STK39: variants seen among roughly 807,000 people sequenced by gnomAD.
STK39 encodes the protein serine/threonine kinase 39.
Under a neutral mutation model 77.8 loss-of-function variants are expected in STK39, and 20 were observed. The observed-to-expected ratio is 0.26, with a 90% CI of 0.18 to 0.37. The LOEUF (loss-of-function observed/expected upper bound fraction) is 0.37, where lower values mean the gene tolerates loss of function less well. Among genes scored for constraint, STK39 ranks in the 10% least tolerant of loss-of-function variants. STK39 has a pLI of 1.00. For synonymous variants in STK39, 246 were observed against 234.1 expected, an observed-to-expected ratio of 1.05 and a Z score of -0.47; for missense variants, 479 against 656.5, an observed-to-expected ratio of 0.73 and a Z score of 2.95.
intron 16 of STK39, among the ~76,000 whole-genome samples, chr2:167,996,292 A>G (rs1042956692): frequency 1.3e-5 from 2 of 152,202 alleles, no homozygotes; most frequent in African/African-American, 4.8e-5. Flanking sequence ...CTAACTTAGC[A>G]ACAGTTTTTA....
intron 1 of STK39, among the ~76,000 whole-genome samples, chr2:168,233,804 T>C (rs1390423865): frequency 1.3e-5 from 2 of 152,178 alleles, no homozygotes; most frequent in African/African-American, 2.4e-5. Flanking sequence ...GACTACGATA[T>C]CCAACCAAAA....
intron 15 of STK39, 49 bp from the exon 16 acceptor site, chr2:168,012,751 C>T (rs2105313485): frequency 1.3e-6 from 2 of 1,507,448 alleles, no homozygotes; most frequent in East Asian, 4.6e-5. Flanking sequence ...ACATAAAAAT[C>T]AACAACCCAG....
chr2:168,116,751 C>T (rs1471899112), intron 10 of STK39, among the ~76,000 whole-genome samples: 6 of 152,178 alleles, frequency 3.9e-5, no homozygotes, highest in African/African-American at 1.4e-4. Context: ...TTCCTTTCCC[C>T]GTGATGCATA....
chr2:168,022,803 C>T (rs918115461), intron 14 of STK39, among the ~76,000 whole-genome samples: 4 of 152,038 alleles, frequency 2.6e-5, no homozygotes, highest in Non-Finnish European at 5.9e-5. Flanking sequence ...ATACACAGAC[C>T]CACAGACTGA....
At chr2:168,190,506 T>C (rs1465808727) in intron 1 of STK39, among the ~76,000 whole-genome samples, 1 of 152,194 alleles carries the variant, frequency 6.6e-6, no homozygotes. Flanking sequence ...CAATGTTCCA[T>C]CCGAATTTCA....
intron 17 of STK39, among the ~76,000 whole-genome samples, chr2:167,962,853 C>T (rs561552990): frequency 6.6e-6 from 1 of 152,300 alleles, no homozygotes; most frequent in Non-Finnish European, 1.5e-5. Context: ...AGCTTCCAGA[C>T]TCAGGATCTG....
chr2:168,053,921 TTC>T (rs1685459555), intron 14 of STK39, among the ~76,000 whole-genome samples: 1 of 152,220 alleles, frequency 6.6e-6, no homozygotes, highest in Non-Finnish European at 1.5e-5. Context: ...TCTCCAGTCT[TTC>T]TGTTTCATCT....
intron 13 of STK39, among the ~76,000 whole-genome samples, chr2:168,064,825 C>T (rs1314864885): frequency 6.6e-6 from 1 of 152,192 alleles, no homozygotes; most frequent in East Asian, 1.9e-4. Context: ...ACACCTCCCA[C>T]CATGGCTCAC....
chr2:168,087,065 AG>A (rs1686387033), intron 10 of STK39, among the ~76,000 whole-genome samples: 1 of 152,260 alleles, frequency 6.6e-6, no homozygotes, highest in South Asian at 2.1e-4. Context: ...AGAGAACGAT[AG>A]GAACACTCTG....
intron 1 of STK39, among the ~76,000 whole-genome samples, chr2:168,210,170 A>G (rs144369177): frequency 4.9e-4 from 75 of 152,338 alleles, no homozygotes; most frequent in African/African-American, 1.6e-3. Context: ...TTGATAAAAT[A>G]GGCATATATG....
At chr2:168,236,259 A>G (rs2105271043) in intron 1 of STK39, among the ~76,000 whole-genome samples, 1 of 152,312 alleles carries the variant, frequency 6.6e-6, no homozygotes, top group Admixed American at 6.5e-5. Context: ...TCTTCTTTTG[A>G]GAAGTGTCTG....
At chr2:168,098,431 G>A (rs78829428) in intron 10 of STK39, among the ~76,000 whole-genome samples, 11,789 of 152,138 alleles carry the variant, frequency 0.077, 781 homozygotes, top group South Asian at 0.16. Flanking sequence ...ACAAAAGAGC[G>A]GCCCCACTGC....
chr2:168,206,544 G>A (rs998415716), intron 1 of STK39, among the ~76,000 whole-genome samples: 1 of 152,030 alleles, frequency 6.6e-6, no homozygotes, highest in African/African-American at 2.4e-5. Flanking sequence ...CAGGTGATCT[G>A]CCTGCCTCGG....
intron 1 of STK39, among the ~76,000 whole-genome samples, 169 bp downstream of exon 1, chr2:168,247,059 A>ATT (rs1465594370): frequency 8.8e-4 from 46 of 52,188 alleles, no homozygotes; most frequent in Middle Eastern, 0.014. Context: ...TACATTAAAA[A>ATT]TTAAAAAAAA....
chr2:167,982,967 G>C (rs1250539661), intron 16 of STK39, among the ~76,000 whole-genome samples: 2 of 152,178 alleles, frequency 1.3e-5, no homozygotes, highest in African/African-American at 2.4e-5. Flanking sequence ...CATGAGGACA[G>C]AGACACAATC....
Position 168,066,364 on chromosome 2 carries a change from G to A in STK39, c.1243-983C>T, listed in dbSNP as rs192068014. ...GATACCTAGATTATAGGTATACGGC[G>A]TTCACTATAAAATGTTTTAATGTTG... On this transcript the variant is annotated intron_variant, in intron 12 of 17. Transcript: ENST00000355999. 2.2e-3 allele frequency among the ~76,000 whole-genome samples: 337 copies of A among 152,264 alleles called. 4 individuals carry two copies. Among genetic ancestry groups the A allele is most frequent in the African/African-American group, 7.4e-3 (309 of 41,534 alleles).
intron 2 of STK39, 122 bp from the exon 3 acceptor site, chr2:168,167,529 C>A: frequency 1.3e-6 from 1 of 746,334 alleles, no homozygotes; most frequent in Non-Finnish European, 2.3e-6. Context: ...GAGGGGCTGC[C>A]TAAGCCATTA....
At chr2:168,027,303 C>T (rs1456123365) in intron 14 of STK39, among the ~76,000 whole-genome samples, 1 of 152,196 alleles carries the variant, frequency 6.6e-6, no homozygotes, top group Admixed American at 6.5e-5. Flanking sequence ...TTCCCCTCCC[C>T]TCCAAACCCT....
intron 10 of STK39, among the ~76,000 whole-genome samples, chr2:168,109,132 T>C (rs1414751116): frequency 6.6e-6 from 1 of 152,194 alleles, no homozygotes; most frequent in East Asian, 1.9e-4. Context: ...ATATTCAACA[T>C]ATACAAACAA....
Sources: allele counts gnomAD v4.1 joint callset (sites outside exome capture counted in the v4.1 genomes callset), GRCh38; gene constraint gnomAD v4.1.1; transcripts MANE v1.5; gene names NCBI Gene and HGNC (gene_info 2026-07-23, HGNC 2026-07-21).